Variants in SGMS1 observed in about 807,000 individuals in gnomAD.
SGMS1 encodes the protein sphingomyelin synthase 1.
A neutral mutation model predicts 46.2 loss-of-function variants in SGMS1; 13 were observed. The ratio of observed to expected loss-of-function variants is 0.28; its 90% CI spans 0.18 to 0.45. The LOEUF (loss-of-function observed/expected upper bound fraction) is 0.45, where lower values mean the gene tolerates loss of function less well. Ranked by LOEUF, SGMS1 falls within the 20% of genes least tolerant of loss-of-function variation. The pLI, the probability that SGMS1 is intolerant of heterozygous loss-of-function variation, is 1.00. For synonymous variants in SGMS1, 203 were observed against 187.8 expected (o/e 1.08, Z -0.66); for missense variants, 324 against 519.9 (o/e 0.62, Z 3.66).
At chr10:50,372,695 A>AAAAAACAAAGAAC (rs112585628) in intron 6 of SGMS1, among the ~76,000 whole-genome samples, 1 of 150,826 alleles carries the variant, frequency 6.6e-6, no homozygotes, top group Non-Finnish European at 1.5e-5. Context: ...TCTGTCTCAA[A>AAAAAACAAAGAAC]AAAAAACAAA....
Position 50,332,589 on chromosome 10 carries a change from A to T in SGMS1, c.624-5267T>A, listed in dbSNP as rs186518215. Reference sequence around the variant, plus strand: ...ATAGCTTTCTTCAACTCCCTTCAACATGACATCTCCTTTTTTTAAGTCTTT... The same window carrying T: ...ATAGCTTTCTTCAACTCCCTTCAACTTGACATCTCCTTTTTTTAAGTCTTT... On this transcript the variant is annotated intron_variant, in intron 7 of 10. Transcript: ENST00000361781. Among the ~76,000 whole-genome samples the T allele has an allele frequency of 7.7e-4, 108 of 140,448 alleles. 1 individual carries two copies. Among genetic ancestry groups the T allele is most frequent in the African/African-American group, 2.7e-3 (100 of 37,718 alleles). The allele number at this position is 140,448 out of a possible 152,430, so 92.1% of individuals were successfully genotyped here.
At chr10:50,410,134 T>C (rs898787416) in intron 6 of SGMS1, among the ~76,000 whole-genome samples, 3 of 152,218 alleles carry the variant, frequency 2.0e-5, no homozygotes, top group Admixed American at 6.5e-5. Flanking sequence ...CATGAGTCAC[T>C]CACAGAACAG....
rs762095206 is a variant in SGMS1, at chr10:50,343,474, A to C, written c.623+18T>G. 6.4e-7 allele frequency: 1 copy of C among 1,566,064 alleles called. No homozygotes were observed. Among genetic ancestry groups the C allele is most frequent in the South Asian group, 1.2e-5 (1 of 83,646 alleles). Reference sequence around the variant, plus strand: ...AAATCCCATAATCATTGAATCTTAGAGCTTTTACTTGACTTACTTGTATTT... The same window carrying C: ...AAATCCCATAATCATTGAATCTTAGCGCTTTTACTTGACTTACTTGTATTT... On this transcript the variant is annotated intron_variant, in intron 7 of 10. Coordinates refer to ENST00000361781, the MANE Select transcript of SGMS1 (RefSeq NM_147156.4).
chr10:50,333,020 A>C (rs1367945610), intron 7 of SGMS1, among the ~76,000 whole-genome samples: 1 of 152,158 alleles, frequency 6.6e-6, no homozygotes, highest in East Asian at 1.9e-4. Flanking sequence ...TGTCTGCTAT[A>C]ATCCTATGCA....
chr10:50,535,780 TC>T (rs1358108957), intron 2 of SGMS1, among the ~76,000 whole-genome samples: 4 of 152,034 alleles, frequency 2.6e-5, no homozygotes, highest in Admixed American at 2.0e-4. Flanking sequence ...TCTGAGATGC[TC>T]TCACACCTCT....
At chr10:50,428,235 A>G (rs1433229901) in intron 6 of SGMS1, among the ~76,000 whole-genome samples, 1 of 152,156 alleles carries the variant, frequency 6.6e-6, no homozygotes, top group African/African-American at 2.4e-5. Flanking sequence ...CCAGGGCAGA[A>G]GGAGCACCCC....
chr10:50,584,362 G>A (rs1838462232), intron 2 of SGMS1, among the ~76,000 whole-genome samples: 1 of 151,986 alleles, frequency 6.6e-6, no homozygotes, highest in African/African-American at 2.4e-5. Flanking sequence ...AGCCAGGCAT[G>A]GTGGCGGGTG....
chr10:50,600,068 G>A (rs902790565), intron 1 of SGMS1, among the ~76,000 whole-genome samples: 3 of 152,088 alleles, frequency 2.0e-5, no homozygotes, highest in African/African-American at 2.4e-5. Flanking sequence ...ACCCCAAGGC[G>A]GCATATAACT....
At chr10:50,491,932 A>T (rs1049789251) in intron 3 of SGMS1, among the ~76,000 whole-genome samples, 1 of 152,208 alleles carries the variant, frequency 6.6e-6, no homozygotes, top group African/African-American at 2.4e-5. Context: ...AATACTGACA[A>T]ACCAAATCCA....
At chr10:50,383,554 TTATA>T (rs1284080628) in intron 6 of SGMS1, among the ~76,000 whole-genome samples, 1 of 152,118 alleles carries the variant, frequency 6.6e-6, no homozygotes, top group Admixed American at 6.5e-5. Flanking sequence ...AACATGACCT[TTATA>T]ATCTGGAGAC....
chr10:50,314,149 T>A (rs891690350), intron 8 of SGMS1, among the ~76,000 whole-genome samples: 11 of 152,022 alleles, frequency 7.2e-5, no homozygotes, highest in African/African-American at 2.4e-4. Context: ...TGTGACCACA[T>A]AGAGGCATAA....
chr10:50,538,301 C>CA (rs1324982220), intron 2 of SGMS1, among the ~76,000 whole-genome samples: 2 of 151,302 alleles, frequency 1.3e-5, no homozygotes, highest in African/African-American at 4.9e-5. Context: ...ACTAAAAATA[C>CA]AAAAAAATTA....
chr10:50,519,466 T>C (rs750845900), intron 3 of SGMS1, among the ~76,000 whole-genome samples: 4 of 152,172 alleles, frequency 2.6e-5, no homozygotes, highest in Non-Finnish European at 5.9e-5. Context: ...ACTAACATTA[T>C]CCTAGAACCT....
At chr10:50,321,706 T>C (rs1847448548) in intron 8 of SGMS1, among the ~76,000 whole-genome samples, 1 of 152,194 alleles carries the variant, frequency 6.6e-6, no homozygotes, top group African/African-American at 2.4e-5. Context: ...ACACAAGCCA[T>C]ATCCTGAAAT....
chr10:50,521,135 G>T (rs145917368), intron 2 of SGMS1, among the ~76,000 whole-genome samples: 1 of 152,194 alleles, frequency 6.6e-6, no homozygotes, highest in African/African-American at 2.4e-5. Context: ...CTTCCAAAGT[G>T]CTGGGATTAC....
chr10:50,407,369 C>T (rs1460682777), intron 6 of SGMS1, among the ~76,000 whole-genome samples: 2 of 152,174 alleles, frequency 1.3e-5, no homozygotes, highest in Non-Finnish European at 2.9e-5. Context: ...TGAAGTACTA[C>T]ATTTTCTGTA....
At chr10:50,535,663 A>C (rs182924793) in intron 2 of SGMS1, among the ~76,000 whole-genome samples, 447 of 151,440 alleles carry the variant, frequency 3.0e-3, no homozygotes, top group Non-Finnish European at 5.1e-3. Flanking sequence ...CCACCACGCC[A>C]GGCCAAGCTT....
chr10:50,412,695 ATATTT>A (rs746943407), intron 6 of SGMS1, among the ~76,000 whole-genome samples: 2 of 151,630 alleles, frequency 1.3e-5, no homozygotes, highest in Non-Finnish European at 2.9e-5. Flanking sequence ...ATGGAAAAAC[ATATTT>A]AAGAGACATA....
intron 3 of SGMS1, among the ~76,000 whole-genome samples, chr10:50,490,404 T>C (rs1837557463): frequency 6.6e-6 from 1 of 152,194 alleles, no homozygotes. Flanking sequence ...GGGGGCATTT[T>C]TAGACGGCCC....
Sources: allele counts gnomAD v4.1 joint callset (sites outside exome capture counted in the v4.1 genomes callset), GRCh38; gene constraint gnomAD v4.1.1; transcripts MANE v1.5; gene names NCBI Gene and HGNC (gene_info 2026-07-23, HGNC 2026-07-21).